C18orf63: variants seen among roughly 807,000 people sequenced by gnomAD.
C18orf63 encodes the protein chromosome 18 open reading frame 63.
Under a neutral mutation model 75.3 loss-of-function variants are expected in C18orf63, and 50 were observed. The observed-to-expected ratio is 0.66, with a 90% CI of 0.53 to 0.84. C18orf63 has a LOEUF of 0.84. Ranked by LOEUF, C18orf63 falls within the 40% of genes least tolerant of loss-of-function variation. The pLI is 0.00. For missense variants in C18orf63, 732 were observed against 800.2 expected (o/e 0.91, Z 1.03); for synonymous variants, 232 against 267.6 (o/e 0.87, Z 1.30).
chr18:74,342,160 G>T (rs1443265829), intron 9 of C18orf63, 32 bp downstream of exon 9: 1 of 1,418,624 alleles, frequency 7.0e-7, no homozygotes, highest in African/African-American at 1.4e-5. Flanking sequence ...TACATTAGAA[G>T]TTATTTGATT....
Position 74,353,413 on chromosome 18 carries a change from C to A in C18orf63, c.1146C>A (p.Phe382Leu). The part of the protein sequence containing the change: ...LSVSQPTSGI[F>L]SALHLQPESV... ...TCAGCCAGCCAACATCAGGCATTTT[C>A]TCAGCTTTGCATCTCCAGCCAGAGT... The change falls in exon 12 of 14, where the codon TTC (phenylalanine) becomes TTA (leucine). Residue 382 changes from phenylalanine (F) to leucine (L), a missense_variant. By Grantham distance (22) the Phe-to-Leu change is conservative. This residue lies in a region of C18orf63 where 495 missense variants were observed against 508.7 expected (regional missense o/e 0.97). Coordinates refer to ENST00000579455, the MANE Select transcript of C18orf63 (RefSeq NM_001174123.2). 1 of 1,536,340 alleles carries A rather than the reference C, an allele frequency of 6.5e-7. No homozygotes were observed. Among genetic ancestry groups the A allele is most frequent in the East Asian group, 2.4e-5 (1 of 40,904 alleles).
intron 11 of C18orf63, among the ~76,000 whole-genome samples, chr18:74,345,096 A>T (rs1380985600): frequency 6.6e-6 from 1 of 151,972 alleles, no homozygotes; most frequent in Non-Finnish European, 1.5e-5. Context: ...TGATAGGTGT[A>T]TTTATTACTG....
chr18:74,340,132 A>G (rs555074398), intron 8 of C18orf63, among the ~76,000 whole-genome samples: 11 of 148,674 alleles, frequency 7.4e-5, no homozygotes, highest in Non-Finnish European at 1.3e-4. Flanking sequence ...TATCCAAAGT[A>G]TATAAGGAAC....
intron 11 of C18orf63, among the ~76,000 whole-genome samples, chr18:74,348,282 CTTG>C (rs368511665): frequency 4.9e-4 from 74 of 152,208 alleles, no homozygotes; most frequent in African/African-American, 1.8e-3. Context: ...TGACTACTTC[CTTG>C]TTGTGTCATG....
Position 74,320,591 on chromosome 18 carries a change from GGTTA to G in C18orf63, c.213+3_213+6del. On this transcript the variant is annotated splice_donor_variant and splice_donor_region_variant and intron_variant, in intron 3 of 13. Transcript: ENST00000579455. LOFTEE classifies it high-confidence loss of function. ...TAAACCAAATCTGGGTGGTGATGGC[GGTTA>G]GTATTTTAATATTTTGTGAAATGTT... 1 of 1,518,884 alleles carries G rather than the reference GGTTA, an allele frequency of 6.6e-7. No homozygotes were observed. The highest frequency in any genetic ancestry group is 8.8e-7 in the Non-Finnish European group (1 of 1,132,746). The allele number at this position is 1,518,884 out of a possible 1,614,324, so 94.1% of individuals were successfully genotyped here.
At chr18:74,316,843 A>G (rs1182089307) in intron 1 of C18orf63, among the ~76,000 whole-genome samples, 1 of 152,244 alleles carries the variant, frequency 6.6e-6, no homozygotes, top group Non-Finnish European at 1.5e-5. Flanking sequence ...ATTAAACAAT[A>G]GTAATAATTC....
In C18orf63 at chr18:74,343,628, A is replaced by G. The variant is rs1406243617; in HGVS notation, c.904A>G (p.Ile302Val). The change falls in exon 11 of 14, where the codon ATA (isoleucine) becomes GTA (valine). Residue 302 changes from isoleucine (I) to valine (V), a missense_variant. Around this residue, in one of 3 missense-constraint regions of C18orf63, gnomAD observed 495 missense variants for 508.7 expected, o/e 0.97. Transcript: ENST00000579455. ...AGATTTAAAATCTAAACTGCCCCAT[A>G]TATGTGGATTTCCCATAAAGATGAC... is the stretch of plus-strand genomic sequence containing the variant. ...LSDLKSKLPH[I>V]CGFPIKMTSK... is the part of the protein sequence containing the mutation. 14 of 1,534,610 alleles carry G rather than the reference A, an allele frequency of 9.1e-6. No homozygotes were observed. Among genetic ancestry groups the G allele is most frequent in the Non-Finnish European group, 1.2e-5 (14 of 1,145,816 alleles).
intron 6 of C18orf63, 125 bp downstream of exon 6, chr18:74,329,161 G>A (rs1031836603): frequency 1.0e-5 from 6 of 598,036 alleles, no homozygotes; most frequent in Admixed American, 5.2e-5. Context: ...GGCCAAGGTA[G>A]GTAGATTGTT....
chr18:74,339,833 A>G (rs1021619848), intron 8 of C18orf63, among the ~76,000 whole-genome samples: 1 of 152,206 alleles, frequency 6.6e-6, no homozygotes, highest in East Asian at 1.9e-4. Context: ...TAGCATTTCT[A>G]TATACTAACA....
Position 74,320,512 on chromosome 18 carries a change from G to A in C18orf63, c.135-1G>A. 2 of 1,529,966 alleles carry A rather than the reference G, an allele frequency of 1.3e-6. No individual in the cohort carries two copies. Among genetic ancestry groups the A allele is most frequent in the Non-Finnish European group, 1.8e-6 (2 of 1,142,680 alleles). The allele number at this position is 1,529,966 out of a possible 1,614,324, so 94.8% of individuals were successfully genotyped here. On this transcript the variant is annotated splice_acceptor_variant, in intron 2 of 13. Transcript: ENST00000579455. LOFTEE classifies it high-confidence loss of function. ...CTTTGTAATATATTTCATCTCCACA[G>A]GCAATTGCTGTTTTTGCATCAAGAT...
chr18:74,353,762 G>A lies in C18orf63; in HGVS notation c.1495G>A (p.Ala499Thr). 1.3e-6 allele frequency: 2 copies of A among 1,535,960 alleles called. No individual in the cohort carries two copies. The highest frequency in any genetic ancestry group is 1.7e-6 in the Non-Finnish European group (2 of 1,146,860). ...TTATAGTAGTAACATTCAGATGCAGGCTGCTAACAATTTAAATCAGGAGAA... is the reference window on the plus strand; with the variant it reads ...TTATAGTAGTAACATTCAGATGCAGACTGCTAACAATTTAAATCAGGAGAA... ...NRYSSNIQMQ[A>T]ANNLNQENSR... Residue 499 changes from alanine to threonine, a missense_variant, in exon 12 of 14, where the codon GCT (alanine) becomes ACT (threonine). Coordinates refer to ENST00000579455, the MANE Select transcript of C18orf63 (RefSeq NM_001174123.2).
At chr18:74,320,675 T>C in intron 3 of C18orf63, 84 bp downstream of exon 3, 1 of 789,252 alleles carries the variant, frequency 1.3e-6, no homozygotes, top group Non-Finnish European at 2.0e-6. Context: ...ATAGCTAAAG[T>C]TAAGATGTTT....
At chr18:74,317,540 G>A (rs1214859774) in intron 1 of C18orf63, among the ~76,000 whole-genome samples, 1 of 152,118 alleles carries the variant, frequency 6.6e-6, no homozygotes, top group Non-Finnish European at 1.5e-5. Context: ...AAAAATTATT[G>A]CAATGATGGT....
chr18:74,351,659 A>C (rs569424782), intron 11 of C18orf63, among the ~76,000 whole-genome samples: 1 of 152,332 alleles, frequency 6.6e-6, no homozygotes, highest in South Asian at 2.1e-4. Context: ...TGATAACATA[A>C]TTATTATTGG....
Position 74,349,376 on chromosome 18 carries a change from TG to T in C18orf63, c.979-3868del, listed in dbSNP as rs1984628221. Among the ~76,000 whole-genome samples, 3 of 152,288 alleles carry T rather than the reference TG, an allele frequency of 2.0e-5. No individual in the cohort carries two copies. In the South Asian group the frequency reaches 6.2e-4, roughly 32 times the overall value. ...GGCAGTGGTATGTGGTGAAGTGCAC[TG>T]GTATGTTTGCCTAGTATGCTCTATA... On this transcript the variant is annotated intron_variant, in intron 11 of 13. Transcript: ENST00000579455.
intron 4 of C18orf63, 124 bp from the exon 5 acceptor site, chr18:74,327,823 A>T: frequency 1.6e-6 from 1 of 622,976 alleles, no homozygotes; most frequent in Non-Finnish European, 2.8e-6. Flanking sequence ...AATGGCTATA[A>T]GTTTTACCTA....
chr18:74,351,376 A>G (rs112485997), intron 11 of C18orf63, among the ~76,000 whole-genome samples: 41 of 152,282 alleles, frequency 2.7e-4, no homozygotes, highest in African/African-American at 9.6e-4. Context: ...GGATGTCCCT[A>G]TGACAGAGTG....
chr18:74,344,401 G>A (rs1599007901), intron 11 of C18orf63, among the ~76,000 whole-genome samples: 1 of 148,344 alleles, frequency 6.7e-6, no homozygotes. Flanking sequence ...TTCTTATGGT[G>A]ACATATGACA....
chr18:74,340,117 G>C (rs902742217), intron 8 of C18orf63, among the ~76,000 whole-genome samples: 2 of 151,864 alleles, frequency 1.3e-5, no homozygotes, highest in Admixed American at 1.3e-4. Context: ...CTGATAAAGA[G>C]CTACTATCCA....
Sources: allele counts gnomAD v4.1 joint callset (sites outside exome capture counted in the v4.1 genomes callset), GRCh38; gene constraint gnomAD v4.1.1; regional missense constraint gnomAD v4.1.1; transcripts MANE v1.5; gene names NCBI Gene and HGNC (gene_info 2026-07-23, HGNC 2026-07-21).